DNM3: variants seen among roughly 807,000 people sequenced by gnomAD.
DNM3 encodes dynamin-3.
DNM3 carries 47 observed loss-of-function variants against 101.6 expected under a neutral mutation model. That is an observed-to-expected ratio of 0.46 (90% CI 0.37 to 0.59). The LOEUF (loss-of-function observed/expected upper bound fraction) is 0.59. DNM3 is among the 20% of genes least tolerant of loss of function. The pLI is 0.00. For synonymous variants in DNM3, 385 were observed against 387.9 expected, an observed-to-expected ratio of 0.99 and a Z score of 0.09; for missense variants, 849 against 1,085.7, an observed-to-expected ratio of 0.78 and a Z score of 3.06.
chr1:172,097,064 G>A (rs2054291658), intron 13 of DNM3, among the ~76,000 whole-genome samples: 1 of 152,108 alleles, frequency 6.6e-6, no homozygotes, highest in Admixed American at 6.5e-5. Context: ...CAAAGGGAGT[G>A]CAGGAGAAGG....
chr1:171,877,390 T>C (rs1165931876), intron 1 of DNM3, among the ~76,000 whole-genome samples: 3 of 152,248 alleles, frequency 2.0e-5, no homozygotes, highest in African/African-American at 7.2e-5. Flanking sequence ...GTTTTGCAAG[T>C]TTGCTTGTTT....
At chr1:172,405,818 T>C (rs1288235122) in intron 20 of DNM3, among the ~76,000 whole-genome samples, 2 of 152,000 alleles carry the variant, frequency 1.3e-5, no homozygotes, top group Admixed American at 6.6e-5. Flanking sequence ...ATTCCAAATA[T>C]CTACTAAAGA....
Position 172,048,650 on chromosome 1 carries a change from T to C in DNM3, c.1235T>C (p.Ile412Thr), listed in dbSNP as rs1282138603. 2 of 1,613,538 alleles carry C rather than the reference T, an allele frequency of 1.2e-6. No individual in the cohort carries two copies. The highest frequency in any genetic ancestry group is 1.7e-6 in the Non-Finnish European group (2 of 1,179,656). Residue 412 changes from isoleucine to threonine, a missense_variant, in exon 10 of 21, where the codon ATA becomes ACA. This residue lies in a region of DNM3 where 193 missense variants were observed against 238.4 expected (regional missense o/e 0.81). Coordinates refer to ENST00000627582, the MANE Select transcript of DNM3 (RefSeq NM_015569.5). The part of the protein sequence containing the change: ...LFTPDMAFEA[I>T]VKKQIVKLKG... ...ACTCCAGACATGGCATTTGAAGCGA[T>C]AGTCAAGAAACAGATTGTAAAGTTG...
chr1:172,382,006 G>A (rs954637293), intron 18 of DNM3, among the ~76,000 whole-genome samples: 8 of 152,088 alleles, frequency 5.3e-5, no homozygotes, highest in Non-Finnish European at 1.0e-4. Context: ...ATAAAGTTCA[G>A]AATTTGGTGG....
At chr1:172,064,997 G>A (rs891795129) in intron 10 of DNM3, among the ~76,000 whole-genome samples, 1 of 152,130 alleles carries the variant, frequency 6.6e-6, no homozygotes, top group African/African-American at 2.4e-5. Context: ...TTAAGCCCAT[G>A]GGCAGTAAGC....
intron 15 of DNM3, among the ~76,000 whole-genome samples, chr1:172,256,056 T>G (rs1253434424): frequency 3.9e-5 from 6 of 152,154 alleles, no homozygotes; most frequent in African/African-American, 1.4e-4. Context: ...CTTTGTCTCC[T>G]GGGATTAAAT....
chr1:172,111,193 G>C (rs912097472), intron 13 of DNM3, among the ~76,000 whole-genome samples: 4 of 152,188 alleles, frequency 2.6e-5, no homozygotes, highest in Non-Finnish European at 5.9e-5. Context: ...TGCTATTGTT[G>C]CTTTAGATGG....
chr1:172,269,734 G>T (rs1049362797), intron 15 of DNM3, among the ~76,000 whole-genome samples: 7 of 152,262 alleles, frequency 4.6e-5, no homozygotes, highest in African/African-American at 1.7e-4. Flanking sequence ...TGAGTTGTGT[G>T]CTGCAGCTTC....
chr1:171,885,254 A>G (rs2036657688), intron 1 of DNM3, among the ~76,000 whole-genome samples: 1 of 152,134 alleles, frequency 6.6e-6, no homozygotes, highest in Non-Finnish European at 1.5e-5. Flanking sequence ...GGAAAAATAA[A>G]ATTTCTTACC....
chr1:171,970,029 C>G (rs1451440410), intron 2 of DNM3: 1 of 153,182 alleles, frequency 6.5e-6, no homozygotes, highest in East Asian at 1.9e-4. Context: ...GTCCATGTGA[C>G]TTTGGGGCTT....
At chr1:172,045,969 A>G (rs1374509243) in intron 9 of DNM3, among the ~76,000 whole-genome samples, 1 of 152,244 alleles carries the variant, frequency 6.6e-6, no homozygotes, top group Non-Finnish European at 1.5e-5. Context: ...ACTGTAAACT[A>G]GTTCAACCAT....
intron 17 of DNM3, among the ~76,000 whole-genome samples, chr1:172,360,705 G>C (rs1297569646): frequency 6.6e-6 from 1 of 151,942 alleles, no homozygotes; most frequent in Non-Finnish European, 1.5e-5. Flanking sequence ...CTACACTATG[G>C]ATTTAAGGTA....
At chr1:172,014,616 G>T (rs1429158143) in intron 4 of DNM3, among the ~76,000 whole-genome samples, 1 of 152,100 alleles carries the variant, frequency 6.6e-6, no homozygotes, top group African/African-American at 2.4e-5. Flanking sequence ...GGCTGTTCAG[G>T]TATTTTTCTC....
chr1:172,386,094 C>T (rs913420855), intron 18 of DNM3, among the ~76,000 whole-genome samples: 27 of 152,166 alleles, frequency 1.8e-4, no homozygotes, highest in African/African-American at 6.5e-4. Flanking sequence ...CATGTTTCTT[C>T]AGTGTGTGAT....
intron 14 of DNM3, among the ~76,000 whole-genome samples, chr1:172,186,945 C>T (rs1558694156): frequency 1.3e-5 from 2 of 152,090 alleles, no homozygotes; most frequent in South Asian, 4.2e-4. Context: ...CTGAAAACCT[C>T]ACCATCCAGG....
chr1:171,931,781 A>G (rs1425485360), intron 2 of DNM3, among the ~76,000 whole-genome samples: 1 of 152,128 alleles, frequency 6.6e-6, no homozygotes, highest in Non-Finnish European at 1.5e-5. Flanking sequence ...CTCACCTGGC[A>G]GGGCTGTAGT....
In DNM3 at chr1:172,131,264, C is replaced by A. The variant is rs1162422341; in HGVS notation, c.1635C>A (p.Ser545Arg). The part of the protein sequence containing the change: ...KGYWFVLTAE[S>R]LSWYKDDEEK... ...ACTGGTTCGTCCTTACTGCGGAAAG[C>A]TTGTCCTGGTATAAAGATGATGAGG... is the stretch of plus-strand genomic sequence containing the variant. The change falls in exon 14 of 21, where the codon AGC becomes AGA. Residue 545 changes from serine (S) to arginine (R), a missense_variant. Ser to Arg is a moderately radical substitution (Grantham distance 110). Transcript: ENST00000627582. The A allele has an allele frequency of 6.2e-7, 1 of 1,613,084 alleles. No individual in the cohort carries two copies. The highest frequency in any genetic ancestry group is 8.5e-7 in the Non-Finnish European group (1 of 1,179,408).
chr1:172,337,906 ATTTT>A (rs2066515296), intron 17 of DNM3, among the ~76,000 whole-genome samples: 1 of 123,448 alleles, frequency 8.1e-6, no homozygotes, highest in African/African-American at 3.2e-5. Flanking sequence ...ATTTTATTTT[ATTTT>A]ATTTTATTTT....
intron 15 of DNM3, among the ~76,000 whole-genome samples, chr1:172,279,371 C>T (rs1557923372): frequency 6.6e-6 from 1 of 152,080 alleles, no homozygotes; most frequent in Non-Finnish European, 1.5e-5. Context: ...CAAATTGGCA[C>T]AAATTAATTA....
Sources: allele counts gnomAD v4.1 joint callset (sites outside exome capture counted in the v4.1 genomes callset), GRCh38; gene constraint gnomAD v4.1.1; regional missense constraint gnomAD v4.1.1; transcripts MANE v1.5; gene names NCBI Gene and HGNC (gene_info 2026-07-23, HGNC 2026-07-21).